Variants in SLC29A1 observed in about 807,000 individuals in gnomAD.
The protein encoded by SLC29A1 is solute carrier family 29 member 1 (Augustine blood group).
Under a neutral mutation model 48.3 loss-of-function variants are expected in SLC29A1, and 22 were observed. The ratio of observed to expected loss-of-function variants is 0.46; its 90% CI spans 0.33 to 0.65. SLC29A1 has a LOEUF of 0.65. Ranked by LOEUF, SLC29A1 falls within the 30% of genes least tolerant of loss-of-function variation. The pLI, the probability that SLC29A1 is intolerant of heterozygous loss-of-function variation, is 0.03. For missense variants in SLC29A1, 491 were observed against 575.3 expected, an observed-to-expected ratio of 0.85 and a Z score of 1.50; for synonymous variants, 228 against 231.0, an observed-to-expected ratio of 0.99 and a Z score of 0.12.
intron 6 of SLC29A1, 36 bp from the exon 7 acceptor site, chr6:44,230,532 G>C (rs1462652773): frequency 1.2e-6 from 2 of 1,613,928 alleles, no homozygotes; most frequent in African/African-American, 1.3e-5. Flanking sequence ...GGGGAGAGGG[G>C]ATGGGGCCTG....
Position 44,231,416 on chromosome 6 carries a change from T to C in SLC29A1, c.819T>C (p.Ser273=), listed in dbSNP as rs768781562. The C allele has an allele frequency of 1.2e-6, 2 of 1,607,534 alleles. No homozygotes were observed. Among genetic ancestry groups the C allele is most frequent in the East Asian group, 4.5e-5 (2 of 44,848 alleles). The stretch of plus-strand genomic sequence containing the variant: ...AATCTGGAGTTTCAGTCTCCAACTC[T>C]CAGCCCACCAATGAAAGCCACTCTA... The part of the protein sequence containing the change: ...KEESGVSVSN[S]QPTNESHSIK... The change falls in exon 9 of 13, where the codon TCT becomes TCC. Residue 273 remains serine, a synonymous_variant. Transcript: ENST00000371755.
intron 2 of SLC29A1, among the ~76,000 whole-genome samples, chr6:44,228,787 C>G (rs1347063193): frequency 1.3e-5 from 2 of 152,204 alleles, no homozygotes; most frequent in African/African-American, 2.4e-5. Context: ...CCCATACCTC[C>G]TGGCCTGCCC....
In SLC29A1 at chr6:44,232,968, C is replaced by T. The variant is rs778860815; in HGVS notation, c.1221C>T (p.Asn407=). 20 of 1,613,546 alleles carry T rather than the reference C, an allele frequency of 1.2e-5. No individual in the cohort carries two copies. Among genetic ancestry groups the T allele is most frequent in the East Asian group, 6.7e-5 (3 of 44,896 alleles). The change falls in exon 12 of 13, where the codon AAC becomes AAT. Residue 407 remains asparagine (N), a synonymous_variant. Coordinates refer to ENST00000371755, the MANE Select transcript of SLC29A1 (RefSeq NM_001372327.1). The surrounding 1 kb of genome is among the most constrained non-coding windows in gnomAD (Gnocchi z 4.7). ...IFFMAAFAFS[N]GYLASLCMCF... Reference sequence around the variant, plus strand: ...TCATGGCTGCCTTTGCCTTCTCCAACGGCTACCTCGCCAGCCTCTGCATGT... The same window carrying T: ...TCATGGCTGCCTTTGCCTTCTCCAATGGCTACCTCGCCAGCCTCTGCATGT...
At chr6:44,222,154 T>C (rs927216765), upstream of SLC29A1, among the ~76,000 whole-genome samples, 1 of 151,086 alleles carries the variant, frequency 6.6e-6, no homozygotes, top group African/African-American at 2.4e-5. Context: ...AATTAGGGGG[T>C]TGTGGACAGA....
chr6:44,228,866 C>T (rs61652318), intron 2 of SLC29A1, among the ~76,000 whole-genome samples: 20,568 of 152,286 alleles, frequency 0.14, 1,400 homozygotes, highest in Middle Eastern at 0.18. Flanking sequence ...CTCTTCACAG[C>T]GGCCCTGAGG....
chr6:44,223,746 G>A lies in SLC29A1; in HGVS notation c.-52+105G>A. ...GGAGGGCGGGCCTGACGGCTCCGCA[G>A]CCCGGAGAAGGGACGCCGGGTGGGG... On this transcript the variant is annotated intron_variant, in intron 1 of 12. Transcript: ENST00000371755. This position sits in a 1 kb window ranked among gnomAD's most constrained non-coding sequence, Gnocchi z 5.0. The A allele has an allele frequency of 9.6e-7, 1 of 1,037,780 alleles. No homozygotes were observed. The highest frequency in any genetic ancestry group is 2.8e-5 in the South Asian group (1 of 36,316). The allele number at this position is 1,037,780 out of a possible 1,614,324, so 64.3% of individuals were successfully genotyped here.
At chr6:44,225,709 A>G (rs1283294818) in intron 1 of SLC29A1, 2 of 152,140 alleles carry the variant, frequency 1.3e-5, no homozygotes, top group South Asian at 2.1e-4. Context: ...TTCTGCCTCT[A>G]TCTGGAGGTG....
chr6:44,224,015 G>A (rs1582927578), intron 1 of SLC29A1: 1 of 860,354 alleles, frequency 1.2e-6, no homozygotes, highest in East Asian at 1.2e-4. Context: ...TGGGGATGGG[G>A]ATGGGGATGG....
chr6:44,219,641 G>T, upstream of SLC29A1: 8 of 1,215,500 alleles, frequency 6.6e-6, no homozygotes, highest in South Asian at 6.3e-5. Flanking sequence ...GGCCCACACC[G>T]GTCAGGCCCG....
chr6:44,230,204 C>G, intron 5 of SLC29A1, 143 bp from the exon 6 acceptor site: 1 of 1,475,948 alleles, frequency 6.8e-7, no homozygotes, highest in African/African-American at 1.4e-5. Context: ...GGGCCTGGAC[C>G]AGGGCTGGGA....
intron 1 of SLC29A1, among the ~76,000 whole-genome samples, chr6:44,225,001 A>G (rs2128340778): frequency 6.6e-6 from 1 of 152,278 alleles, no homozygotes; most frequent in South Asian, 2.1e-4. Context: ...GGGGTGTAGC[A>G]GGGGGCCAGG....
At chr6:44,228,481 A>G (rs1247227949) in intron 2 of SLC29A1, among the ~76,000 whole-genome samples, 1 of 152,160 alleles carries the variant, frequency 6.6e-6, no homozygotes, top group African/African-American at 2.4e-5. Flanking sequence ...CCATCCCTGT[A>G]TGAGGCCTGC....
At position 44,232,663 on chromosome 6, in the gene SLC29A1, A is replaced by T. The variant is rs932084726; in HGVS notation, c.1060-144A>T. ...TTCCAGCACTCCAGAAGGCTCCACC[A>T]TGCCCCTTTCAAGAGTAACCCCCTA... On this transcript the variant is annotated intron_variant, in intron 11 of 12. Coordinates refer to ENST00000371755, the MANE Select transcript of SLC29A1 (RefSeq NM_001372327.1). This position sits in a 1 kb window ranked among gnomAD's most constrained non-coding sequence, Gnocchi z 4.7. The T allele has an allele frequency of 1.3e-6, 1 of 749,376 alleles. No individual in the cohort carries two copies. Among genetic ancestry groups the T allele is most frequent in the African/African-American group, 1.7e-5 (1 of 57,230 alleles). 46.4% of individuals were successfully genotyped at this position (749,376 alleles called of 1,614,324 possible). A position where few individuals can be genotyped will look rare whatever the true frequency, so the allele number is the denominator to read the frequency against.
rs780493890 is a variant in SLC29A1 at position 44,231,957 on chromosome 6, G to A, written c.865-41G>A. 4.9e-6 allele frequency: 7 copies of A among 1,426,588 alleles called. No homozygotes were observed. In the Middle Eastern group the frequency reaches 5.2e-4, roughly 107 times the overall value. The allele number at this position is 1,426,588 out of a possible 1,614,324, so 88.4% of individuals were successfully genotyped here. On this transcript the variant is annotated intron_variant, in intron 9 of 12. Transcript: ENST00000371755. ...TGGTTCTTTAATGCACAGCCACCATGAAGACACAGGCATTTGGGTGACTCT... is the reference window on the plus strand; with the variant it reads ...TGGTTCTTTAATGCACAGCCACCATAAAGACACAGGCATTTGGGTGACTCT...
In SLC29A1 at chr6:44,232,998, C is replaced by A; in HGVS notation, c.1251C>A (p.Phe417Leu). 1 of 1,612,672 alleles carries A rather than the reference C, an allele frequency of 6.2e-7. No homozygotes were observed. The highest frequency in any genetic ancestry group is 8.5e-7 in the Non-Finnish European group (1 of 1,180,034). Residue 417 changes from phenylalanine (F) to leucine (L), a missense_variant, in exon 12 of 13, where the codon TTC (phenylalanine) becomes TTA (leucine). Transcript: ENST00000371755. The surrounding 1 kb of genome is among the most constrained non-coding windows in gnomAD (Gnocchi z 4.7). Reference protein sequence around the residue: ...NGYLASLCMCFGPKKVKPAEA... With the variant: ...NGYLASLCMCLGPKKVKPAEA... ...ACCTCGCCAGCCTCTGCATGTGCTT[C>A]GGGCCCAAGTGAGTAGGGCTGGCAG...
chr6:44,223,427 G>A (rs1428755149), upstream of SLC29A1: 2 of 562,618 alleles, frequency 3.6e-6, no homozygotes, highest in African/African-American at 2.0e-5. The surrounding 1 kb of genome is among the most constrained non-coding windows in gnomAD (Gnocchi z 5.0). Flanking sequence ...GGCCCTGGGG[G>A]CGCAGGGGCT....
At chr6:44,225,438 A>C (rs557531831) in intron 1 of SLC29A1, among the ~76,000 whole-genome samples, 21 of 151,598 alleles carry the variant, frequency 1.4e-4, no homozygotes, top group African/African-American at 4.8e-4. Flanking sequence ...CCTGGGAGGC[A>C]GAATTTGCAG....
At chr6:44,231,186 C>T (rs1336279230) in intron 8 of SLC29A1, among the ~76,000 whole-genome samples, 178 bp from the exon 9 acceptor site, 1 of 152,082 alleles carries the variant, frequency 6.6e-6, no homozygotes, top group Non-Finnish European at 1.5e-5. Flanking sequence ...AGAGGCCAGG[C>T]CCCCGGGTCT....
intron 8 of SLC29A1, 65 bp from the exon 9 acceptor site, chr6:44,231,299 A>G (rs1045678013): frequency 4.7e-6 from 5 of 1,059,530 alleles, no homozygotes; most frequent in Non-Finnish European, 7.2e-6. Context: ...CGTTTTGGGG[A>G]ATGTTTATGT....
Sources: gnomAD v4.1 joint callset for allele counts (sites outside exome capture counted in the v4.1 genomes callset) on GRCh38, gnomAD v4.1.1 for gene constraint, Gnocchi (gnomAD v3.1) non-coding constraint, MANE v1.5 for transcripts, NCBI Gene and HGNC (gene_info 2026-07-23, HGNC 2026-07-21) for gene names.